The following AK7 variants were observed in gnomAD, a reference collection of about 807,000 sequenced individuals.
AK7 encodes the protein adenylate kinase 7, also known as ATP-AMP transphosphorylase 7.
AK7 carries 78 observed loss-of-function variants against 96.6 expected under a neutral mutation model. The observed-to-expected ratio is 0.81, with a 90% CI of 0.67 to 0.97. The LOEUF (loss-of-function observed/expected upper bound fraction) is 0.97. Among genes scored for constraint, AK7 ranks in the 50% least tolerant of loss-of-function variants. The probability of loss-of-function intolerance (pLI) is 0.00; values close to 1 mark genes in which losing one functional copy is unlikely to be tolerated. For synonymous variants in AK7, 302 were observed against 317.2 expected (o/e 0.95, Z 0.51); for missense variants, 855 against 887.9 (o/e 0.96, Z 0.47).
rs952926433 is a variant in AK7 at position 96,489,348 on chromosome 14, C to T, written c.*1005C>T. ...CAGTCACGCTCCATTATTCCCTCCC[C>T]CCAGTTCCAGGCAACCACGAATCTG... On this transcript the variant is annotated 3_prime_UTR_variant, in exon 18 of 18. Transcript: ENST00000267584. 1 of 152,204 alleles carries T rather than the reference C, an allele frequency of 6.6e-6. No homozygotes were observed. The highest frequency in any genetic ancestry group is 1.5e-5 in the Non-Finnish European group (1 of 68,072). 9.4% of individuals were successfully genotyped at this position (152,204 alleles called of 1,614,324 possible).
At position 96,487,012 on chromosome 14, in the gene AK7, A is replaced by C. The variant is rs761196292; in HGVS notation, c.2089A>C (p.Asn697His). Residue 697 changes from asparagine (N) to histidine (H), a missense_variant, in exon 17 of 18, where the codon AAT becomes CAT. Coordinates refer to ENST00000267584, the MANE Select transcript of AK7 (RefSeq NM_152327.5). ...GATGCCAACTCTTATTCAGGGCCTG[A>C]ATGAATGTTGCAACGTCCGACCCGA... ...YVMPTLIQGL[N>H]ECCNVRPEDP... 2 of 1,614,128 alleles carry C rather than the reference A, an allele frequency of 1.2e-6. No homozygotes were observed. The highest frequency in any genetic ancestry group is 1.7e-6 in the Non-Finnish European group (2 of 1,180,018).
rs371173077 is a variant in AK7 at position 96,441,183 on chromosome 14, G to A, written c.691-1547G>A. Among the ~76,000 whole-genome samples, 28 of 152,246 alleles carry A rather than the reference G, an allele frequency of 1.8e-4. No homozygotes were observed. In the East Asian group the frequency reaches 3.9e-3, roughly 21 times the overall value. On this transcript the variant is annotated intron_variant, in intron 6 of 17. Transcript: ENST00000267584. ...TAGGGCCGAGGAAGCAATCAGATAG[G>A]CATTTGTGTCAGGTGAGCCTAGGGA... is the stretch of plus-strand genomic sequence containing the variant.
In AK7 at chr14:96,398,205, T is replaced by G. The variant is rs758050169; in HGVS notation, c.236T>G (p.Val79Gly). The stretch of plus-strand genomic sequence containing the variant: ...GTGAAGGAAGGCACATTCCAGATTG[T>G]GGGCACGCTGTCCAAGCCTGACAGC... ...TKVKEGTFQI[V>G]GTLSKPDSPR... is the part of the protein sequence containing the mutation. Residue 79 changes from valine to glycine, a missense_variant, in exon 2 of 18, where the codon GTG (valine) becomes GGG (glycine). Val to Gly is a moderately radical substitution (Grantham distance 109, BLOSUM62 -3). Transcript: ENST00000267584. 6.2e-7 allele frequency: 1 copy of G among 1,613,898 alleles called. No homozygotes were observed. The highest frequency in any genetic ancestry group is 8.5e-7 in the Non-Finnish European group (1 of 1,180,042).
At position 96,404,827 on chromosome 14, in the gene AK7, G is replaced by A. The variant is rs773089080; in HGVS notation, c.365G>A (p.Ser122Asn). ...CDVIIYNITESSQQMEEAIWA... is the reference protein window; with the variant it reads ...CDVIIYNITENSQQMEEAIWA... ...GTTATTATTTATAACATCACTGAGA[G>A]CTCACAGCAAATGGAGGAAGCCATC... The change falls in exon 3 of 18, where the codon AGC becomes AAC. Residue 122 changes from serine (S) to asparagine (N), a missense_variant. Transcript: ENST00000267584. 6.2e-7 allele frequency: 1 copy of A among 1,610,312 alleles called. No homozygotes were observed. The highest frequency in any genetic ancestry group is 8.5e-7 in the Non-Finnish European group (1 of 1,177,224).
chr14:96,457,671 G>T (rs906875013), intron 11 of AK7, among the ~76,000 whole-genome samples: 8 of 152,074 alleles, frequency 5.3e-5, no homozygotes, highest in Admixed American at 3.9e-4. Context: ...GTTTCTCGGG[G>T]TATTATCAAA....
At chr14:96,459,760 C>A (rs1566799256) in intron 12 of AK7, among the ~76,000 whole-genome samples, 1 of 151,676 alleles carries the variant, frequency 6.6e-6, no homozygotes, top group Non-Finnish European at 1.5e-5. Flanking sequence ...GCCTGTAATC[C>A]TAGCTACTCG....
intron 17 of AK7, chr14:96,488,059 C>T (rs914685516): frequency 9.9e-6 from 4 of 403,910 alleles, no homozygotes; most frequent in Non-Finnish European, 1.9e-5. Context: ...ATTACAGGCG[C>T]CTGCCACCAC....
intron 5 of AK7, among the ~76,000 whole-genome samples, chr14:96,422,860 A>C (rs571505690): frequency 2.6e-5 from 4 of 152,358 alleles, no homozygotes; most frequent in African/African-American, 4.8e-5. Context: ...TTTCTTCAGA[A>C]TAGATGATGG....
chr14:96,421,944 G>A (rs1239434055), intron 5 of AK7, among the ~76,000 whole-genome samples: 1 of 152,120 alleles, frequency 6.6e-6, no homozygotes, highest in Non-Finnish European at 1.5e-5. Flanking sequence ...CCAGCAGCCC[G>A]CAATGCAAAG....
chr14:96,418,716 A>G (rs2140034034), intron 4 of AK7, among the ~76,000 whole-genome samples: 1 of 152,038 alleles, frequency 6.6e-6, no homozygotes, highest in South Asian at 2.1e-4. Context: ...ACAGGGTTTC[A>G]CCATGTTGTC....
At chr14:96,480,744 G>T (rs1335936632) in intron 15 of AK7, among the ~76,000 whole-genome samples, 1 of 152,146 alleles carries the variant, frequency 6.6e-6, no homozygotes, top group Non-Finnish European at 1.5e-5. Flanking sequence ...TAAGTAACAG[G>T]GAGGAATGAA....
chr14:96,436,614 C>G (rs895124443), intron 5 of AK7, among the ~76,000 whole-genome samples: 11 of 152,184 alleles, frequency 7.2e-5, no homozygotes, highest in Admixed American at 3.3e-4. Flanking sequence ...CACTGCACTC[C>G]AGCCTGGGCA....
At chr14:96,459,055 C>T (rs1307431664) in intron 12 of AK7, among the ~76,000 whole-genome samples, 1 of 151,240 alleles carries the variant, frequency 6.6e-6, no homozygotes, top group African/African-American at 2.4e-5. Context: ...AGAAAAAAAT[C>T]GGCTGTGCCC....
At chr14:96,410,187 C>T (rs990408638) in intron 4 of AK7, among the ~76,000 whole-genome samples, 2 of 152,112 alleles carry the variant, frequency 1.3e-5, no homozygotes, top group Non-Finnish European at 2.9e-5. Flanking sequence ...GGGCAGGGAC[C>T]ACAGGTTTCA....
At position 96,451,412 on chromosome 14, in the gene AK7, A is replaced by G. The variant is rs1893595935; in HGVS notation, c.949-9A>G. 1.2e-5 allele frequency: 19 copies of G among 1,555,342 alleles called. No homozygotes were observed. The East Asian group carries it at 3.0e-4, about 25-fold the overall frequency. ...AAAGACAAATCTCTAATTGTCCTCT[A>G]TCTTTCAGCAAGATTGTCTTGACCA... On this transcript the variant is annotated splice_polypyrimidine_tract_variant and intron_variant, in intron 9 of 17. Transcript: ENST00000267584.
At chr14:96,415,877 G>C (rs1205337752) in intron 4 of AK7, among the ~76,000 whole-genome samples, 1 of 151,212 alleles carries the variant, frequency 6.6e-6, no homozygotes, top group African/African-American at 2.4e-5. Context: ...TATTGGGGTT[G>C]GTTTTTCCCT....
At chr14:96,464,667 A>G (rs1164621652) in intron 12 of AK7, among the ~76,000 whole-genome samples, 2 of 152,002 alleles carry the variant, frequency 1.3e-5, no homozygotes, top group Non-Finnish European at 2.9e-5. Context: ...GAACATAAGT[A>G]TGCTATGTTA....
intron 7 of AK7, among the ~76,000 whole-genome samples, chr14:96,444,147 G>T (rs537086794): frequency 8.5e-5 from 13 of 152,148 alleles, no homozygotes; most frequent in Non-Finnish European, 1.2e-4. Flanking sequence ...TGGGCCTCAC[G>T]CAGCCCACAG....
chr14:96,429,403 C>T (rs1892213579), intron 5 of AK7, among the ~76,000 whole-genome samples: 1 of 152,282 alleles, frequency 6.6e-6, no homozygotes, highest in Admixed American at 6.5e-5. Flanking sequence ...CATGATGCCT[C>T]CAGCTTTGTT....
Sources: allele counts gnomAD v4.1 joint callset (sites outside exome capture counted in the v4.1 genomes callset), GRCh38; gene constraint gnomAD v4.1.1; transcripts MANE v1.5; gene names NCBI Gene and HGNC (gene_info 2026-07-23, HGNC 2026-07-21).